Variants in PCDH9 observed in about 807,000 individuals in gnomAD.
PCDH9 encodes the protein protocadherin 9.
In PCDH9, 24 loss-of-function variants were observed where a neutral mutation model predicts 70.6. The observed-to-expected ratio is 0.34, with a 90% CI of 0.25 to 0.48. The LOEUF is 0.48. Among genes scored for constraint, PCDH9 ranks in the 20% least tolerant of loss-of-function variants. The pLI, the probability that PCDH9 is intolerant of heterozygous loss-of-function variation, is 0.99. For missense variants in PCDH9, 1,281 were observed against 1,503.6 expected, an observed-to-expected ratio of 0.85 and a Z score of 2.45; for synonymous variants, 562 against 558.5, an observed-to-expected ratio of 1.01 and a Z score of -0.09.
At position 66,472,623 on chromosome 13, in the gene PCDH9, A is replaced by G. The variant is rs1348612191; in HGVS notation, c.3340+158587T>C. Reference sequence around the variant, plus strand: ...ATATTATAACAGTGTTGTTCTTTCGATTGTCTTACTTGAAGTTATTGATGT... The same window carrying G: ...ATATTATAACAGTGTTGTTCTTTCGGTTGTCTTACTTGAAGTTATTGATGT... On this transcript the variant is annotated intron_variant, in intron 4 of 4. Transcript: ENST00000377865. Among the ~76,000 whole-genome samples the G allele has an allele frequency of 4.6e-5, 7 of 152,230 alleles. No homozygotes were observed. The South Asian group carries it at 1.5e-3, about 32-fold the overall frequency.
At chr13:66,518,252 T>G (rs1959831901) in intron 4 of PCDH9, among the ~76,000 whole-genome samples, 1 of 152,042 alleles carries the variant, frequency 6.6e-6, no homozygotes, top group Non-Finnish European at 1.5e-5. Context: ...AGCTTACTTA[T>G]TACCAGGAGG....
At chr13:67,131,188 T>G (rs2087104430) in intron 2 of PCDH9, among the ~76,000 whole-genome samples, 1 of 152,166 alleles carries the variant, frequency 6.6e-6, no homozygotes, top group Non-Finnish European at 1.5e-5. Context: ...AATAGAAAAT[T>G]TAGACTCCTA....
chr13:67,157,507 A>G (rs1333363229), intron 2 of PCDH9, among the ~76,000 whole-genome samples: 1 of 152,230 alleles, frequency 6.6e-6, no homozygotes, highest in Non-Finnish European at 1.5e-5. Context: ...CTAAAATTCT[A>G]TGAGAAGGCA....
intron 4 of PCDH9, among the ~76,000 whole-genome samples, chr13:66,555,242 G>A (rs1366578211): frequency 6.6e-6 from 1 of 152,008 alleles, no homozygotes; most frequent in Non-Finnish European, 1.5e-5. Flanking sequence ...TTGCATTGGA[G>A]ACAAAAGAGT....
At chr13:66,594,746 G>A (rs1250330998) in intron 4 of PCDH9, among the ~76,000 whole-genome samples, 1 of 151,476 alleles carries the variant, frequency 6.6e-6, no homozygotes, top group African/African-American at 2.4e-5. Flanking sequence ...ATGAGAACAT[G>A]TAGTGTTTGG....
At chr13:66,824,303 GTATATA>G (rs60742942) in intron 3 of PCDH9, among the ~76,000 whole-genome samples, 1,603 of 127,738 alleles carry the variant, frequency 0.013, 12 homozygotes, top group South Asian at 0.019. Context: ...TTGTTTGAAA[GTATATA>G]TATATATATA....
At chr13:66,418,391 GT>G (rs1271852523) in intron 4 of PCDH9, among the ~76,000 whole-genome samples, 1 of 152,120 alleles carries the variant, frequency 6.6e-6, no homozygotes, top group East Asian at 1.9e-4. Context: ...GCACAATGTT[GT>G]TTGGTTACTG....
intron 3 of PCDH9, among the ~76,000 whole-genome samples, chr13:66,678,062 T>C (rs1202683406): frequency 1.3e-5 from 2 of 152,144 alleles, no homozygotes; most frequent in Non-Finnish European, 2.9e-5. Context: ...CAGAATCTTC[T>C]GAAGAGACAT....
chr13:66,390,205 C>T (rs1956993079), intron 4 of PCDH9, among the ~76,000 whole-genome samples: 1 of 152,164 alleles, frequency 6.6e-6, no homozygotes, highest in South Asian at 2.1e-4. Context: ...GCCTCTCAAA[C>T]TCTGCGGATG....
At chr13:66,676,157 A>T (rs1196518088) in intron 3 of PCDH9, among the ~76,000 whole-genome samples, 2 of 152,132 alleles carry the variant, frequency 1.3e-5, no homozygotes, top group East Asian at 3.9e-4. Context: ...CACAGCATGA[A>T]GATTCACAAA....
chr13:66,557,741 G>A (rs1434667941), intron 4 of PCDH9, among the ~76,000 whole-genome samples: 1 of 152,220 alleles, frequency 6.6e-6, no homozygotes, highest in Non-Finnish European at 1.5e-5. Context: ...AGGAGAAGAT[G>A]TGCTAATGAT....
intron 3 of PCDH9, among the ~76,000 whole-genome samples, chr13:66,837,522 T>G (rs1333287476): frequency 6.6e-6 from 1 of 152,138 alleles, no homozygotes; most frequent in Non-Finnish European, 1.5e-5. Flanking sequence ...TTTTAATGAC[T>G]TTACTGCCCT....
chr13:66,782,162 T>C (rs1487914034), intron 3 of PCDH9, among the ~76,000 whole-genome samples: 2 of 152,158 alleles, frequency 1.3e-5, no homozygotes, highest in Non-Finnish European at 2.9e-5. Flanking sequence ...CAACTGCAGA[T>C]GTTGTTAAGA....
chr13:67,229,543 G>C (rs1174439069), intron 1 of PCDH9, among the ~76,000 whole-genome samples: 1 of 152,204 alleles, frequency 6.6e-6, no homozygotes, highest in Non-Finnish European at 1.5e-5. Flanking sequence ...GCTCCAGGCA[G>C]CTACCTACTT....
intron 3 of PCDH9, among the ~76,000 whole-genome samples, chr13:66,860,044 T>C (rs967353422): frequency 2.6e-5 from 4 of 152,184 alleles, no homozygotes; most frequent in African/African-American, 4.8e-5. Flanking sequence ...TATAGGGAAT[T>C]ATGCAGTAGG....
chr13:66,816,230 G>C (rs893348258), intron 3 of PCDH9, among the ~76,000 whole-genome samples: 2 of 152,136 alleles, frequency 1.3e-5, no homozygotes, highest in African/African-American at 4.8e-5. Flanking sequence ...ACATATAAAT[G>C]TTAAATGTGC....
intron 4 of PCDH9, among the ~76,000 whole-genome samples, chr13:66,337,620 A>AACAAACAG (rs1157693949): frequency 6.9e-6 from 1 of 145,610 alleles, no homozygotes; most frequent in South Asian, 2.2e-4. Context: ...CAAACAAACA[A>AACAAACAG]ACAGAAATAC....
intron 4 of PCDH9, among the ~76,000 whole-genome samples, chr13:66,505,680 C>T (rs1177605483): frequency 6.6e-6 from 1 of 152,166 alleles, no homozygotes; most frequent in Admixed American, 6.5e-5. Context: ...ATCATCAGAT[C>T]TCATGAGACT....
At chr13:66,999,194 G>A (rs971575726) in intron 2 of PCDH9, among the ~76,000 whole-genome samples, 1 of 152,044 alleles carries the variant, frequency 6.6e-6, no homozygotes, top group Admixed American at 6.6e-5. Context: ...ACACTTCAAG[G>A]CCCAGTTAAA....
Sources: gnomAD v4.1 joint callset for allele counts (sites outside exome capture counted in the v4.1 genomes callset) on GRCh38, gnomAD v4.1.1 for gene constraint, MANE v1.5 for transcripts, NCBI Gene and HGNC (gene_info 2026-07-23, HGNC 2026-07-21) for gene names.